Variants in PIK3C2G observed in about 807,000 individuals in gnomAD.
PIK3C2G encodes phosphatidylinositol-4-phosphate 3-kinase catalytic subunit type 2 gamma.
A neutral mutation model predicts 181.1 loss-of-function variants in PIK3C2G; 168 were observed. That is an observed-to-expected ratio of 0.93 (90% CI 0.82 to 1.05). The LOEUF (loss-of-function observed/expected upper bound fraction) is 1.05, where lower values mean the gene tolerates loss of function less well. PIK3C2G is among the 50% of genes least tolerant of loss of function. PIK3C2G has a pLI of 0.00. For synonymous variants in PIK3C2G, 573 were observed against 592.2 expected (o/e 0.97, Z 0.47); for missense variants, 1,869 against 1,732.8 (o/e 1.08, Z -1.40).
chr12:18,527,652 G>C (rs1943314372), intron 24 of PIK3C2G, among the ~76,000 whole-genome samples: 1 of 145,034 alleles, frequency 6.9e-6, no homozygotes, highest in Admixed American at 7.1e-5. Context: ...TCCTCAAAGA[G>C]CTCTTTCCTC....
chr12:18,458,861 A>G (rs928222493), intron 18 of PIK3C2G, among the ~76,000 whole-genome samples: 1 of 151,952 alleles, frequency 6.6e-6, no homozygotes, highest in Non-Finnish European at 1.5e-5. Flanking sequence ...TTTAAAAAAA[A>G]AAAAAAAAGG....
chr12:18,262,340 T>A (rs577398799), intron 1 of PIK3C2G, among the ~76,000 whole-genome samples: 2 of 152,104 alleles, frequency 1.3e-5, no homozygotes, highest in Non-Finnish European at 2.9e-5. Flanking sequence ...GATCTCCTTT[T>A]TAAATGCATT....
At chr12:18,606,171 G>A (rs1432505000) in intron 30 of PIK3C2G, among the ~76,000 whole-genome samples, 2 of 152,092 alleles carry the variant, frequency 1.3e-5, no homozygotes, top group Non-Finnish European at 2.9e-5. Context: ...AGCAAGAGGT[G>A]GAGGGAGAAC....
At chr12:18,364,857 T>G (rs1235777044) in intron 12 of PIK3C2G, among the ~76,000 whole-genome samples, 1 of 152,018 alleles carries the variant, frequency 6.6e-6, no homozygotes, top group Non-Finnish European at 1.5e-5. Flanking sequence ...AACATCACTC[T>G]ACCTTGGGCT....
chr12:18,720,122 T>C, the PIK3C2G span, among the ~76,000 whole-genome samples: 1 of 152,158 alleles, frequency 6.6e-6, no homozygotes, highest in African/African-American at 2.4e-5. Flanking sequence ...GTATTTTTTG[T>C]ACCTGGTTTC....
At chr12:18,354,644 C>T (rs559686050) in intron 11 of PIK3C2G, among the ~76,000 whole-genome samples, 70 of 152,280 alleles carry the variant, frequency 4.6e-4, no homozygotes, top group Admixed American at 9.2e-4. Context: ...GAGGCCAAGC[C>T]AGTCCTCATA....
intron 1 of PIK3C2G, among the ~76,000 whole-genome samples, chr12:18,249,149 TGCCACCACCCTTACTCAAGAAAAGATG>T (rs1948071445): frequency 6.6e-6 from 1 of 152,162 alleles, no homozygotes; most frequent in Admixed American, 6.5e-5. Context: ...CTTCATTCCC[TGCCACCACCCTTACTCAAGAAAAGATG>T]TTTCTAAGGT....
intron 32 of PIK3C2G, 142 bp from the exon 33 acceptor site, chr12:18,647,734 A>G: frequency 2.5e-6 from 1 of 400,980 alleles, no homozygotes; most frequent in Non-Finnish European, 4.3e-6. Context: ...TAAAAGTTAG[A>G]AATAAAAGAG....
the PIK3C2G span, among the ~76,000 whole-genome samples, chr12:18,666,280 T>C: frequency 6.6e-6 from 1 of 151,164 alleles, no homozygotes; most frequent in Non-Finnish European, 1.5e-5. Flanking sequence ...GATTAAACTC[T>C]TCAATTAAAG....
intron 1 of PIK3C2G, among the ~76,000 whole-genome samples, chr12:18,279,862 ATCTT>A (rs1405957260): frequency 6.6e-6 from 1 of 152,004 alleles, no homozygotes; most frequent in East Asian, 1.9e-4. Context: ...TCTCTTGAAA[ATCTT>A]TCCCAAATTT....
chr12:18,509,501 C>A (rs184035757), intron 24 of PIK3C2G, among the ~76,000 whole-genome samples: 24 of 152,372 alleles, frequency 1.6e-4, no homozygotes, highest in African/African-American at 5.3e-4. Context: ...ACATCTCACA[C>A]TAAGCATCTG....
intron 18 of PIK3C2G, among the ~76,000 whole-genome samples, chr12:18,472,649 G>C (rs1324583306): frequency 6.6e-6 from 1 of 151,772 alleles, no homozygotes; most frequent in African/African-American, 2.4e-5. Context: ...TTTCTCTCTT[G>C]GCTTCAATTG....
intron 18 of PIK3C2G, among the ~76,000 whole-genome samples, chr12:18,470,476 T>C (rs1938353986): frequency 6.6e-6 from 1 of 152,128 alleles, no homozygotes; most frequent in Admixed American, 6.6e-5. Context: ...GTCAAATAAA[T>C]CTGCAAAGGG....
At chr12:18,252,425 C>T (rs1426521124) in intron 1 of PIK3C2G, among the ~76,000 whole-genome samples, 2 of 152,082 alleles carry the variant, frequency 1.3e-5, no homozygotes, top group Non-Finnish European at 2.9e-5. Context: ...TTTTCCTCAC[C>T]TATCACAAGG....
At chr12:18,423,406 C>A (rs1270082876) in intron 17 of PIK3C2G, among the ~76,000 whole-genome samples, 1 of 152,002 alleles carries the variant, frequency 6.6e-6, no homozygotes, top group Non-Finnish European at 1.5e-5. Context: ...CTGTTTTCTA[C>A]CCAGTTGAGT....
At chr12:18,683,653 T>C in the PIK3C2G span, 3 of 1,330,690 alleles carry the variant, frequency 2.3e-6, no homozygotes, top group Non-Finnish European at 3.0e-6. Flanking sequence ...GTAAGCATAT[T>C]GAGACAAGGT....
intron 5 of PIK3C2G, among the ~76,000 whole-genome samples, chr12:18,309,019 G>T (rs539301544): frequency 6.6e-6 from 1 of 151,660 alleles, no homozygotes; most frequent in Non-Finnish European, 1.5e-5. Flanking sequence ...AATATGGTTT[G>T]TGGAAAAGAT....
intron 18 of PIK3C2G, among the ~76,000 whole-genome samples, chr12:18,471,355 T>C (rs991146981): frequency 6.6e-6 from 1 of 152,188 alleles, no homozygotes; most frequent in Non-Finnish European, 1.5e-5. Flanking sequence ...AATGTATATA[T>C]ACTGCTCTCC....
At chr12:18,613,390 G>GACA (rs35241304) in intron 31 of PIK3C2G, among the ~76,000 whole-genome samples, 1 of 151,984 alleles carries the variant, frequency 6.6e-6, no homozygotes, top group Non-Finnish European at 1.5e-5. Context: ...CCTTTCATAA[G>GACA]ACAAAAGATG....
Sources: gnomAD v4.1 joint callset for allele counts (sites outside exome capture counted in the v4.1 genomes callset) on GRCh38, gnomAD v4.1.1 for gene constraint, MANE v1.5 for transcripts, NCBI Gene and HGNC (gene_info 2026-07-23, HGNC 2026-07-21) for gene names.